The following CCDC30 variants were observed in gnomAD, a reference collection of about 807,000 sequenced individuals.
The protein encoded by CCDC30 is coiled-coil domain containing 30, also known as coiled-coil domain-containing protein 30.
CCDC30 carries 70 observed loss-of-function variants against 100.2 expected under a neutral mutation model. That is an observed-to-expected ratio of 0.70 (90% CI 0.58 to 0.85). The LOEUF (loss-of-function observed/expected upper bound fraction) is 0.85. Ranked by LOEUF, CCDC30 falls within the 40% of genes least tolerant of loss-of-function variation. CCDC30 has a pLI of 0.00. For missense variants in CCDC30, 652 were observed against 771.2 expected, an observed-to-expected ratio of 0.85 and a Z score of 1.83; for synonymous variants, 233 against 269.5, an observed-to-expected ratio of 0.86 and a Z score of 1.33.
chr1:42,459,178 T>TG (rs1208504908), upstream of CCDC30: 14 of 124,170 alleles, frequency 1.1e-4, no homozygotes, highest in East Asian at 1.5e-3. Context: ...TTTTTTTTTT[T>TG]GTGAGACAAG....
At chr1:42,484,912 G>A (rs1644025157) in intron 3 of CCDC30, among the ~76,000 whole-genome samples, 1 of 152,012 alleles carries the variant, frequency 6.6e-6, no homozygotes, top group Admixed American at 6.6e-5. Flanking sequence ...AAAGATTTAA[G>A]AGACTTATTA....
intron 5 of CCDC30, among the ~76,000 whole-genome samples, chr1:42,498,213 G>T (rs1035139080): frequency 6.6e-6 from 1 of 152,228 alleles, no homozygotes; most frequent in Non-Finnish European, 1.5e-5. Flanking sequence ...TATATGGCAT[G>T]CTTAGAGTAG....
At chr1:42,633,102 G>T (rs573423168) in intron 11 of CCDC30, among the ~76,000 whole-genome samples, 12 of 152,090 alleles carry the variant, frequency 7.9e-5, no homozygotes, top group African/African-American at 2.4e-4. Flanking sequence ...AAGCCAACAC[G>T]CCTGGCCAGC....
At chr1:42,489,123 T>C (rs1644096694) in intron 3 of CCDC30, among the ~76,000 whole-genome samples, 1 of 152,214 alleles carries the variant, frequency 6.6e-6, no homozygotes, top group Admixed American at 6.5e-5. Context: ...GAGGAATACA[T>C]TTAGAAAACT....
At position 42,555,759 on chromosome 1, in the gene CCDC30, T is replaced by A. The variant is rs1236360015; in HGVS notation, c.457-10537T>A. ...TGGAGTGCAGTGGCACAGTCTTGAC[T>A]CACTGCAACCTCCACCTCCTGGGCT... On this transcript the variant is annotated intron_variant, in intron 6 of 16. Coordinates refer to ENST00000668663, the Ensembl canonical transcript of CCDC30. Among the ~76,000 whole-genome samples, 4 of 152,194 alleles carry A rather than the reference T, an allele frequency of 2.6e-5. No homozygotes were observed. In the South Asian group the frequency reaches 6.2e-4, roughly 24 times the overall value.
intron 11 of CCDC30, among the ~76,000 whole-genome samples, chr1:42,636,175 T>C (rs182216489): frequency 6.6e-6 from 1 of 151,568 alleles, no homozygotes; most frequent in African/African-American, 2.4e-5. Context: ...ATCCCAGCAC[T>C]TTGGGAGGCT....
At chr1:42,528,796 GAGA>G (rs1156559574) in intron 6 of CCDC30, among the ~76,000 whole-genome samples, 3 of 152,174 alleles carry the variant, frequency 2.0e-5, no homozygotes, top group Admixed American at 1.3e-4. Context: ...CTTATGCTTG[GAGA>G]AGATCATTGG....
chr1:42,577,098 A>G, exon 8 of CCDC30: 1 of 1,614,162 alleles, frequency 6.2e-7, no homozygotes. Context: ...GGCAGAGTAC[A>G]AGCACTGTCA....
chr1:42,594,692 C>T (rs1213137564), intron 10 of CCDC30: 1 of 151,840 alleles, frequency 6.6e-6, no homozygotes, highest in African/African-American at 2.4e-5. Flanking sequence ...ATAGCCAGAC[C>T]TCATTTCTTA....
intron 11 of CCDC30, among the ~76,000 whole-genome samples, chr1:42,616,293 A>T (rs761891796): frequency 1.3e-5 from 2 of 152,180 alleles, no homozygotes; most frequent in Non-Finnish European, 2.9e-5. Flanking sequence ...AGGGTGGTGG[A>T]TTCTGACCCC....
chr1:42,536,820 G>A (rs1439703113), intron 6 of CCDC30: 2 of 487,168 alleles, frequency 4.1e-6, no homozygotes, highest in East Asian at 7.0e-5. Context: ...TTCCTGGTGA[G>A]GGTTCTCTTC....
intron 6 of CCDC30, among the ~76,000 whole-genome samples, chr1:42,527,511 A>G (rs1206243940): frequency 6.6e-6 from 1 of 152,238 alleles, no homozygotes; most frequent in Non-Finnish European, 1.5e-5. Context: ...TGTACTCAGT[A>G]ATCATTGAGT....
intron 6 of CCDC30, chr1:42,537,143 G>A (rs757796919): frequency 3.3e-4 from 150 of 454,498 alleles, no homozygotes; most frequent in South Asian, 6.5e-4. Context: ...CTAGCACTAA[G>A]CAAAGAGTCC....
At chr1:42,502,982 A>G (rs914700336) in intron 6 of CCDC30, among the ~76,000 whole-genome samples, 1 of 152,148 alleles carries the variant, frequency 6.6e-6, no homozygotes, top group South Asian at 2.1e-4. Context: ...TTCCAGGCTC[A>G]AGCAATTTTC....
chr1:42,608,683 CGACA>C (rs200766605), intron 10 of CCDC30, among the ~76,000 whole-genome samples: 1,906 of 126,252 alleles, frequency 0.015, 35 homozygotes, highest in African/African-American at 0.053. Context: ...CCAGCCTGGG[CGACA>C]GACAGAGCGC....
intron 4 of CCDC30, among the ~76,000 whole-genome samples, chr1:42,490,637 C>T (rs567054993): frequency 6.6e-6 from 1 of 151,932 alleles, no homozygotes; most frequent in South Asian, 2.1e-4. Context: ...ATCTCTAATC[C>T]TCACAACAGT....
chr1:42,539,218 G>C, intron 6 of CCDC30: 1 of 1,608,724 alleles, frequency 6.2e-7, no homozygotes, highest in Non-Finnish European at 8.5e-7. Flanking sequence ...TTATAATGAA[G>C]TTCACAATCT....
upstream of CCDC30, among the ~76,000 whole-genome samples, chr1:42,460,746 A>C (rs1449797706): frequency 6.6e-6 from 1 of 152,216 alleles, no homozygotes; most frequent in Non-Finnish European, 1.5e-5. Flanking sequence ...CATTTGACTT[A>C]ATCTCAGTGT....
intron 11 of CCDC30, among the ~76,000 whole-genome samples, chr1:42,624,367 AAT>A (rs1385237450): frequency 6.6e-6 from 1 of 152,212 alleles, no homozygotes; most frequent in Non-Finnish European, 1.5e-5. Context: ...CTGTTGATAT[AAT>A]GTATCACATT....
Sources: allele counts gnomAD v4.1 joint callset (sites outside exome capture counted in the v4.1 genomes callset), GRCh38; gene constraint gnomAD v4.1.1; transcripts MANE v1.5; gene names NCBI Gene and HGNC (gene_info 2026-07-23, HGNC 2026-07-21).